Variants in GRM5 observed in about 807,000 individuals in gnomAD.
GRM5 encodes metabotropic glutamate receptor 5.
A neutral mutation model predicts 83.1 loss-of-function variants in GRM5; 19 were observed. The ratio of observed to expected loss-of-function variants is 0.23; its 90% confidence interval spans 0.16 to 0.34. GRM5 has a LOEUF of 0.34. Among genes scored for constraint, GRM5 ranks in the 10% least tolerant of loss-of-function variants. GRM5 has a pLI of 1.00. For missense variants in GRM5, 1,160 were observed against 1,588.3 expected (o/e 0.73, Z 4.58); for synonymous variants, 675 against 633.6 (o/e 1.07, Z -0.98).
At chr11:88,598,383 T>A (rs1187480237) in intron 5 of GRM5, among the ~76,000 whole-genome samples, 1 of 152,126 alleles carries the variant, frequency 6.6e-6, no homozygotes, top group African/African-American at 2.4e-5. Context: ...TATTGAAACT[T>A]ATGTTATAAA....
At chr11:89,033,000 T>C (rs1321327999) in intron 2 of GRM5, among the ~76,000 whole-genome samples, 1 of 152,040 alleles carries the variant, frequency 6.6e-6, no homozygotes, top group Non-Finnish European at 1.5e-5. Context: ...GATTAGCACC[T>C]AATTTCCAAA....
intron 2 of GRM5, among the ~76,000 whole-genome samples, chr11:88,977,856 C>T (rs1160016230): frequency 6.6e-6 from 1 of 152,146 alleles, no homozygotes; most frequent in Non-Finnish European, 1.5e-5. Flanking sequence ...CATCACAATG[C>T]CCTGGTAAAT....
At chr11:88,516,523 G>T (rs1029761246) in intron 9 of GRM5, among the ~76,000 whole-genome samples, 1 of 152,142 alleles carries the variant, frequency 6.6e-6, no homozygotes, top group Non-Finnish European at 1.5e-5. Flanking sequence ...TGTTTAGAAT[G>T]GTTGCTGGGA....
At chr11:88,662,661 A>T (rs999966397) in intron 3 of GRM5, among the ~76,000 whole-genome samples, 3 of 151,906 alleles carry the variant, frequency 2.0e-5, no homozygotes, top group Non-Finnish European at 4.4e-5. Flanking sequence ...TTTCTGATTT[A>T]AAAAAAAGAT....
chr11:88,735,845 C>G (rs766462377), intron 3 of GRM5, among the ~76,000 whole-genome samples: 11 of 152,068 alleles, frequency 7.2e-5, no homozygotes, highest in Non-Finnish European at 1.3e-4. Flanking sequence ...CAGCCAGCCA[C>G]AGGCTCTTTC....
rs542036060 is a variant in GRM5 at position 88,850,263 on chromosome 11, C to T, written c.662-108G>A. ...GAGCATGAAAGTCATTGGTATGGGA[C>T]TTGCAACCTGAAGACCTGAATTTTG... On this transcript the variant is annotated intron_variant, in intron 2 of 9. Transcript: ENST00000305447. The T allele has an allele frequency of 2.8e-4, 220 of 786,280 alleles. No individual in the cohort carries two copies. The African/African-American group carries it at 3.5e-3, about 13-fold the overall frequency. 48.7% of individuals were successfully genotyped at this position (786,280 alleles called of 1,614,324 possible).
intron 2 of GRM5, among the ~76,000 whole-genome samples, chr11:89,044,323 G>T (rs1941597182): frequency 6.6e-6 from 1 of 151,788 alleles, no homozygotes; most frequent in African/African-American, 2.4e-5. Context: ...TCTTTGCCTA[G>T]AAGTTCCAGG....
chr11:88,790,447 C>A (rs1943151744), intron 3 of GRM5, among the ~76,000 whole-genome samples: 1 of 152,094 alleles, frequency 6.6e-6, no homozygotes, highest in Non-Finnish European at 1.5e-5. Context: ...TCCATAACAG[C>A]AACTTTGGCT....
At chr11:88,924,506 A>G (rs614868) in intron 2 of GRM5, among the ~76,000 whole-genome samples, 72,730 of 151,848 alleles carry the variant, frequency 0.48, 18,933 homozygotes, top group South Asian at 0.65. Context: ...TTGCAACAAT[A>G]TAATGAATCT....
intron 4 of GRM5, among the ~76,000 whole-genome samples, chr11:88,650,584 A>T (rs796072126): frequency 1.3e-5 from 2 of 152,156 alleles, no homozygotes; most frequent in African/African-American, 4.8e-5. Flanking sequence ...CATACATGAT[A>T]GGGAAGAAAT....
At chr11:88,558,314 A>G (rs892046101) in intron 8 of GRM5, among the ~76,000 whole-genome samples, 12 of 152,246 alleles carry the variant, frequency 7.9e-5, no homozygotes, top group Admixed American at 6.5e-4. Context: ...ATACAGCCCC[A>G]CATTCGAAAC....
At chr11:88,724,300 A>C (rs1941621877) in intron 3 of GRM5, among the ~76,000 whole-genome samples, 2 of 152,020 alleles carry the variant, frequency 1.3e-5, no homozygotes, top group Admixed American at 6.6e-5. Flanking sequence ...TTCTTTCTTC[A>C]GGTCTCCTCT....
At chr11:88,877,657 CA>C (rs1319000173) in intron 2 of GRM5, among the ~76,000 whole-genome samples, 1 of 150,792 alleles carries the variant, frequency 6.6e-6, no homozygotes, top group Non-Finnish European at 1.5e-5. Flanking sequence ...CCTGTTTCTA[CA>C]AAAAAAATAT....
intron 2 of GRM5, among the ~76,000 whole-genome samples, chr11:88,964,837 T>G (rs550156318): frequency 6.6e-6 from 1 of 152,126 alleles, no homozygotes; most frequent in Non-Finnish European, 1.5e-5. Context: ...TAAAAAAGAA[T>G]TATATCGAAT....
intron 2 of GRM5, among the ~76,000 whole-genome samples, chr11:88,912,818 T>C (rs1945521633): frequency 6.6e-6 from 1 of 152,122 alleles, no homozygotes; most frequent in Non-Finnish European, 1.5e-5. Flanking sequence ...GGATGTGAGT[T>C]TTACTCTCTT....
chr11:88,602,683 A>T (rs1938033336), intron 5 of GRM5, among the ~76,000 whole-genome samples: 1 of 152,182 alleles, frequency 6.6e-6, no homozygotes. Context: ...TAATGTTAGA[A>T]GTTGAAGCCC....
rs1195291141 is a variant in GRM5, at chr11:88,525,352, G to C, written c.2683C>G (p.Pro895Ala). ...QHKSEIECFT[P>A]KGSMGNGGRA... ...CCACCATTCCCCATACTCCCTTTGG[G>C]GGTGAAACACTCTATTTCCGACTTG... The change falls in exon 9 of 10, where the codon CCC becomes GCC. Residue 895 changes from proline to alanine, a missense_variant. Physicochemically the swap from Pro to Ala is conservative, Grantham distance 27 (BLOSUM62 -1). Transcript: ENST00000305447. The C allele has an allele frequency of 1.8e-5, 29 of 1,612,210 alleles. No individual in the cohort carries two copies. The highest frequency in any genetic ancestry group is 2.4e-5 in the Non-Finnish European group (28 of 1,178,550).
At chr11:88,942,170 T>C (rs1938136870) in intron 2 of GRM5, among the ~76,000 whole-genome samples, 1 of 152,098 alleles carries the variant, frequency 6.6e-6, no homozygotes, top group Non-Finnish European at 1.5e-5. Flanking sequence ...TGTTGACTTG[T>C]GCTGTAAGTA....
At chr11:88,703,045 T>C (rs1441170159) in intron 3 of GRM5, among the ~76,000 whole-genome samples, 1 of 151,782 alleles carries the variant, frequency 6.6e-6, no homozygotes, top group African/African-American at 2.4e-5. Context: ...GGATATAATA[T>C]CTTGTTTGAC....
Sources: allele counts gnomAD v4.1 joint callset (sites outside exome capture counted in the v4.1 genomes callset), GRCh38; gene constraint gnomAD v4.1.1; transcripts MANE v1.5; gene names NCBI Gene and HGNC (gene_info 2026-07-23, HGNC 2026-07-21).